The following CFAP161 variants were observed in gnomAD, a reference collection of about 807,000 sequenced individuals.
The protein encoded by CFAP161 is cilia- and flagella-associated protein 161.
In CFAP161, 25 loss-of-function variants were observed where a neutral mutation model predicts 29.0. The observed-to-expected ratio is 0.86, with a 90% CI of 0.63 to 1.20. The LOEUF is 1.20. CFAP161 is among the 50% of genes most tolerant of loss of function. The pLI, the probability that CFAP161 is intolerant of heterozygous loss-of-function variation, is 0.00. For missense variants in CFAP161, 367 were observed against 371.9 expected (o/e 0.99, Z 0.11); for synonymous variants, 116 against 137.4 (o/e 0.84, Z 1.09).
upstream of CFAP161, among the ~76,000 whole-genome samples, chr15:81,133,350 G>A (rs977969722): frequency 1.3e-5 from 2 of 151,190 alleles, no homozygotes; most frequent in Middle Eastern, 3.4e-3. Flanking sequence ...GAGCCACCAC[G>A]CCAGCCCATC....
intron 1 of CFAP161, among the ~76,000 whole-genome samples, chr15:81,109,748 G>T (rs1894418355): frequency 6.6e-6 from 1 of 152,074 alleles, no homozygotes; most frequent in African/African-American, 2.4e-5. Flanking sequence ...CTATGATGTT[G>T]GTTATTGTTT....
intron 1 of CFAP161, among the ~76,000 whole-genome samples, chr15:81,122,819 G>A (rs1465049934): frequency 1.3e-5 from 2 of 151,872 alleles, no homozygotes; most frequent in African/African-American, 2.4e-5. Context: ...TATGATTGTT[G>A]GCCTGATGTA....
At chr15:81,138,220 G>A (rs566791267) in intron 4 of CFAP161, 85 bp downstream of exon 4, 1 of 1,067,584 alleles carries the variant, frequency 9.4e-7, no homozygotes, top group Non-Finnish European at 1.4e-6. Context: ...GAAGTGGACA[G>A]AGAACTCCAG....
upstream of CFAP161, among the ~76,000 whole-genome samples, chr15:81,132,601 T>C (rs1894726981): frequency 6.6e-6 from 1 of 152,192 alleles, no homozygotes; most frequent in South Asian, 2.1e-4. Flanking sequence ...GGGTCTATTA[T>C]ATATAGAAAT....
rs1386609380 is a variant in CFAP161 at position 81,136,564 on chromosome 15, G to A, written c.208G>A (p.Val70Met). 6.2e-6 allele frequency: 10 copies of A among 1,614,226 alleles called. No homozygotes were observed. Among genetic ancestry groups the A allele is most frequent in the South Asian group, 1.1e-5 (1 of 91,082 alleles). Reference sequence around the variant, plus strand: ...TGGCTATATTCATTACGGTGACAAAGTGATGCTTGTGAATCCTGATGATCC... The same window carrying A: ...TGGCTATATTCATTACGGTGACAAAATGATGCTTGTGAATCCTGATGATCC... ...EDGYIHYGDK[V>M]MLVNPDDPDT... Residue 70 changes from valine to methionine, a missense_variant, in exon 3 of 7, where the codon GTG (valine) becomes ATG (methionine). Val to Met is a conservative substitution (Grantham distance 21). Transcript: ENST00000286732.
intron 1 of CFAP161, among the ~76,000 whole-genome samples, chr15:81,103,038 C>T (rs1009393283): frequency 4.6e-5 from 7 of 151,074 alleles, no homozygotes; most frequent in Non-Finnish European, 7.4e-5. Context: ...GAAGGGCAGC[C>T]GCTGGAGAAA....
At chr15:81,132,834 T>C (rs1894729881), upstream of CFAP161, among the ~76,000 whole-genome samples, 1 of 152,160 alleles carries the variant, frequency 6.6e-6, no homozygotes, top group Non-Finnish European at 1.5e-5. Context: ...AGTCCTTTCT[T>C]TGAGCAACTT....
At chr15:81,138,828 T>G (rs750167558) in intron 4 of CFAP161, among the ~76,000 whole-genome samples, 17 of 152,204 alleles carry the variant, frequency 1.1e-4, no homozygotes, top group Admixed American at 3.3e-4. Flanking sequence ...GGGACTATTT[T>G]ACCTTTAATT....
chr15:81,123,799 A>G (rs2141870516), intron 1 of CFAP161, among the ~76,000 whole-genome samples: 1 of 152,182 alleles, frequency 6.6e-6, no homozygotes, highest in African/African-American at 2.4e-5. Flanking sequence ...TTTTTGTGGC[A>G]ATTGTGAATG....
chr15:81,101,412 G>A (rs1268901875), intron 1 of CFAP161, among the ~76,000 whole-genome samples: 8 of 150,242 alleles, frequency 5.3e-5, no homozygotes, highest in African/African-American at 1.7e-4. Flanking sequence ...CTGTAATCCC[G>A]GCTACTTGGG....
chr15:81,103,067 C>CACGATG (rs1555448509), intron 1 of CFAP161, among the ~76,000 whole-genome samples: 1 of 151,046 alleles, frequency 6.6e-6, no homozygotes, highest in African/African-American at 2.4e-5. Flanking sequence ...CGAGGAAGCA[C>CACGATG]ATGATGATGA....
chr15:81,148,383 G>A lies in CFAP161; in HGVS notation c.756G>A (p.Leu252=). The change falls in exon 7 of 7, where the codon CTG becomes CTA. Residue 252 remains leucine, a synonymous_variant. Coordinates refer to ENST00000286732, the MANE Select transcript of CFAP161 (RefSeq NM_173528.4). The part of the protein sequence containing the change: ...KEAEVVAHTY[L]DSHRVEKPRN... Reference sequence around the variant, plus strand: ...CTGAGGTTGTAGCTCACACATACCTGGATTCACATAGAGTTGAGAAACCAA... The same window carrying A: ...CTGAGGTTGTAGCTCACACATACCTAGATTCACATAGAGTTGAGAAACCAA... 6.2e-7 allele frequency: 1 copy of A among 1,614,168 alleles called. No homozygotes were observed. Among genetic ancestry groups the A allele is most frequent in the Non-Finnish European group, 8.5e-7 (1 of 1,180,020 alleles).
chr15:81,140,443 C>T (rs2141881978), intron 4 of CFAP161, among the ~76,000 whole-genome samples: 1 of 152,246 alleles, frequency 6.6e-6, no homozygotes, highest in Middle Eastern at 3.4e-3. Flanking sequence ...AATGATTATT[C>T]CTTTCTCTAC....
In CFAP161 at chr15:81,109,733, G is replaced by A. The variant is rs781657364; in HGVS notation, c.-141-17857G>A. On this transcript the variant is annotated intron_variant, in intron 1 of 4. Transcript: ENST00000560091. The stretch of plus-strand genomic sequence containing the variant: ...AAGAATTGCGTAAGTTACCAATTGA[G>A]ATGTCTATGATGTTGGTTATTGTTT... 2.4e-4 allele frequency among the ~76,000 whole-genome samples: 36 copies of A among 152,258 alleles called. 1 individual carries two copies. The highest frequency in any genetic ancestry group is 3.4e-3 in the Middle Eastern group (1 of 294).
intron 1 of CFAP161, among the ~76,000 whole-genome samples, chr15:81,111,476 A>G (rs1415544342): frequency 6.6e-6 from 1 of 151,922 alleles, no homozygotes; most frequent in African/African-American, 2.4e-5. Context: ...AGGCTTCCTG[A>G]CCCCCTACCC....
chr15:81,114,687 G>A (rs1307366546), intron 1 of CFAP161, among the ~76,000 whole-genome samples: 3 of 152,118 alleles, frequency 2.0e-5, no homozygotes, highest in Admixed American at 6.5e-5. Flanking sequence ...GTTTTAAGAC[G>A]GAGTCTCGCT....
rs527275682 is a variant in CFAP161 at position 81,147,848 on chromosome 15, A to G, written c.637-10A>G. On this transcript the variant is annotated splice_polypyrimidine_tract_variant and intron_variant, in intron 5 of 6. Coordinates refer to ENST00000286732, the MANE Select transcript of CFAP161 (RefSeq NM_173528.4). ...AGAATGCTAATAACACATTTTCTTT[A>G]TCTGTTAAGGCAAATGCTAAAATTC... 1.8e-4 allele frequency: 288 copies of G among 1,580,162 alleles called. 2 individuals are homozygous for G. In the South Asian group the frequency reaches 2.8e-3, roughly 15 times the overall value.
rs1339764878 is a variant in CFAP161 at position 81,148,430 on chromosome 15, C to CCT, written c.803_804insCT (p.Gly269LeufsTer67). ...CCAAGGAACCACTGGATGTTGGTTA[C>CCT]TGGGAATCCCAGGGATGCCTCGTCC... On this transcript the variant is annotated frameshift_variant, in exon 7 of 7. Transcript: ENST00000286732. LOFTEE classifies it low-confidence loss of function (END_TRUNC). 1.2e-6 allele frequency: 2 copies of CCT among 1,614,192 alleles called. No homozygotes were observed. The highest frequency in any genetic ancestry group is 1.7e-6 in the Non-Finnish European group (2 of 1,180,032).
intron 1 of CFAP161, among the ~76,000 whole-genome samples, chr15:81,106,846 A>G (rs2663945): frequency 0.73 from 111,434 of 151,988 alleles, 41,461 homozygotes; most frequent in African/African-American, 0.8. Flanking sequence ...CGGGTGGATC[A>G]CTTGAGCCCA....
Sources: allele counts gnomAD v4.1 joint callset (sites outside exome capture counted in the v4.1 genomes callset), GRCh38; gene constraint gnomAD v4.1.1; transcripts MANE v1.5; gene names NCBI Gene and HGNC (gene_info 2026-07-23, HGNC 2026-07-21).